KCTD16: variants seen among roughly 807,000 people sequenced by gnomAD.
The protein encoded by KCTD16 is potassium channel tetramerization domain containing 16, also known as BTB/POZ domain-containing protein KCTD16.
Under a neutral mutation model 33.2 loss-of-function variants are expected in KCTD16, and 13 were observed. The ratio of observed to expected loss-of-function variants is 0.39; its 90% CI spans 0.25 to 0.62. The LOEUF (loss-of-function observed/expected upper bound fraction) is 0.62, where lower values mean the gene tolerates loss of function less well. Ranked by LOEUF, KCTD16 falls within the 20% of genes least tolerant of loss-of-function variation. The probability of loss-of-function intolerance (pLI) is 0.50; values close to 1 mark genes in which losing one functional copy is unlikely to be tolerated. For missense variants in KCTD16, 441 were observed against 525.1 expected (o/e 0.84, Z 1.57); for synonymous variants, 197 against 195.3 (o/e 1.01, Z -0.07).
chr5:144,324,805 C>T (rs1752160362), intron 3 of KCTD16, among the ~76,000 whole-genome samples: 1 of 152,188 alleles, frequency 6.6e-6, no homozygotes, highest in Non-Finnish European at 1.5e-5. Context: ...AGCCATTATC[C>T]TCAGCAAACT....
chr5:144,236,753 C>T (rs1318783529), intron 3 of KCTD16, among the ~76,000 whole-genome samples: 2 of 152,060 alleles, frequency 1.3e-5, no homozygotes, highest in Non-Finnish European at 2.9e-5. Flanking sequence ...GGGGAGGTAT[C>T]ATGGGATAAA....
At position 144,478,226 on chromosome 5, in the gene KCTD16, T is replaced by C. The variant is rs1754635079; in HGVS notation, c.*4112T>C. ...GTTACATGTCATTTGTATAGAACTG[T>C]ATAATGATTAATATCTGCAGAGAAA... On this transcript the variant is annotated 3_prime_UTR_variant, in exon 4 of 4. Coordinates refer to ENST00000512467, the MANE Select transcript of KCTD16 (RefSeq NM_020768.4). 1 of 152,116 alleles carries C rather than the reference T, an allele frequency of 6.6e-6. No individual in the cohort carries two copies. Among genetic ancestry groups the C allele is most frequent in the South Asian group, 2.1e-4 (1 of 4,832 alleles). The allele number at this position is 152,116 out of a possible 1,614,324, so 9.4% of individuals were successfully genotyped here. A position where few individuals can be genotyped will look rare whatever the true frequency, so the allele number is the denominator to read the frequency against.
At chr5:144,351,762 C>T (rs1000254547) in intron 3 of KCTD16, among the ~76,000 whole-genome samples, 1 of 152,084 alleles carries the variant, frequency 6.6e-6, no homozygotes, top group South Asian at 2.1e-4. Context: ...CAACATGAAG[C>T]TAGAGGGCAT....
intron 3 of KCTD16, among the ~76,000 whole-genome samples, chr5:144,274,507 A>T (rs776729248): frequency 2.0e-5 from 3 of 152,152 alleles, no homozygotes; most frequent in Non-Finnish European, 4.4e-5. Flanking sequence ...ATTTAGACCT[A>T]ATCAGTATTT....
chr5:144,302,240 A>G (rs9324953), intron 3 of KCTD16, among the ~76,000 whole-genome samples: 6,974 of 152,284 alleles, frequency 0.046, 548 homozygotes, highest in African/African-American at 0.16. Context: ...TTCAAGCTTA[A>G]TAGTATCACT....
chr5:144,434,901 T>G (rs187126006), intron 3 of KCTD16, among the ~76,000 whole-genome samples: 7 of 152,234 alleles, frequency 4.6e-5, no homozygotes, highest in Admixed American at 4.6e-4. Flanking sequence ...ATGAAGGCTG[T>G]TAGATGGTGG....
At chr5:144,327,592 T>A (rs1237885366) in intron 3 of KCTD16, among the ~76,000 whole-genome samples, 2 of 152,130 alleles carry the variant, frequency 1.3e-5, no homozygotes, top group African/African-American at 4.8e-5. Context: ...TGTTAACAGT[T>A]TCTTGTGTTT....
chr5:144,261,039 G>A (rs1405006113), intron 3 of KCTD16, among the ~76,000 whole-genome samples: 1 of 151,306 alleles, frequency 6.6e-6, no homozygotes, highest in African/African-American at 2.4e-5. Context: ...TTGATGAAAC[G>A]ACCCCAATTG....
chr5:144,447,573 G>C (rs1201664010), intron 3 of KCTD16, among the ~76,000 whole-genome samples: 4 of 151,290 alleles, frequency 2.6e-5, no homozygotes, highest in East Asian at 1.9e-4. Context: ...AAAGAAAAAA[G>C]AAAAAACAAA....
At chr5:144,387,370 CT>C (rs1024440242) in intron 3 of KCTD16, among the ~76,000 whole-genome samples, 43 of 152,058 alleles carry the variant, frequency 2.8e-4, no homozygotes, top group African/African-American at 1.0e-3. Context: ...GAAGGAGCTC[CT>C]TTTTTGAGAA....
intron 3 of KCTD16, among the ~76,000 whole-genome samples, chr5:144,287,787 G>A (rs1425618128): frequency 2.6e-5 from 4 of 151,824 alleles, no homozygotes; most frequent in African/African-American, 9.7e-5. Flanking sequence ...AGGCTCGCAC[G>A]ACCTCATCTG....
chr5:144,440,930 C>T lies in KCTD16; in HGVS notation c.833-32730C>T, dbSNP rs571500257. On this transcript the variant is annotated intron_variant, in intron 3 of 3. Transcript: ENST00000512467. The stretch of plus-strand genomic sequence containing the variant: ...ACAGTCCCCGGTGTGTGATGTTCCC[C>T]TTCCTGTGTCCATGTGTTCTCATTG... Among the ~76,000 whole-genome samples, 15 of 148,540 alleles carry T rather than the reference C, an allele frequency of 1.0e-4. 1 individual carries two copies. The highest frequency in any genetic ancestry group is 3.2e-4 in the African/African-American group (13 of 40,314).
chr5:144,321,311 T>C (rs1326924843), intron 3 of KCTD16, among the ~76,000 whole-genome samples: 1 of 152,188 alleles, frequency 6.6e-6, no homozygotes, highest in Non-Finnish European at 1.5e-5. Flanking sequence ...TCACCTAGGG[T>C]GTTAAAAATG....
chr5:144,260,665 G>T (rs562017402), intron 3 of KCTD16, among the ~76,000 whole-genome samples: 1 of 152,180 alleles, frequency 6.6e-6, no homozygotes, highest in Non-Finnish European at 1.5e-5. Context: ...ACTATAATGT[G>T]AGATTTATGG....
At chr5:144,322,144 G>A (rs1580871449) in intron 3 of KCTD16, among the ~76,000 whole-genome samples, 1 of 152,156 alleles carries the variant, frequency 6.6e-6, no homozygotes, top group Admixed American at 6.5e-5. Context: ...GAGTTTATGA[G>A]TAGCCATAAA....
rs1349243595 is a variant in KCTD16, at chr5:144,477,619, G to T, written c.*3505G>T. On this transcript the variant is annotated 3_prime_UTR_variant, in exon 4 of 4. Transcript: ENST00000512467. Reference sequence around the variant, plus strand: ...TCCTGGGCTTTAGATTCTTCTCTGAGGATCCTTTGTTGGTGTCAGACAAAA... The same window carrying T: ...TCCTGGGCTTTAGATTCTTCTCTGATGATCCTTTGTTGGTGTCAGACAAAA... 1 of 152,088 alleles carries T rather than the reference G, an allele frequency of 6.6e-6. No homozygotes were observed. 9.4% of individuals were successfully genotyped at this position (152,088 alleles called of 1,614,324 possible).
At chr5:144,447,905 T>A (rs1437783936) in intron 3 of KCTD16, among the ~76,000 whole-genome samples, 1 of 152,126 alleles carries the variant, frequency 6.6e-6, no homozygotes, top group East Asian at 1.9e-4. Flanking sequence ...TTGCTCAGAT[T>A]ATACCCTAGA....
rs758308140 is a variant in KCTD16, at chr5:144,206,985, G to A, written c.271G>A (p.Asp91Asn). 5.6e-6 allele frequency: 9 copies of A among 1,614,158 alleles called. No individual in the cohort carries two copies. The Admixed American group carries it at 1.3e-4, about 24-fold the overall frequency. ...CCGTTATATTCTGGACTATCTCAGG[G>A]ACAGGCAGGTGGTCCTGCCTGATCA... is the stretch of plus-strand genomic sequence containing the variant. The part of the protein sequence containing the change: ...LFRYILDYLR[D>N]RQVVLPDHFP... Residue 91 changes from aspartate to asparagine, a missense_variant, in exon 3 of 4, where the codon GAC becomes AAC. Coordinates refer to ENST00000512467, the MANE Select transcript of KCTD16 (RefSeq NM_020768.4).
At chr5:144,232,224 A>C (rs919589974) in intron 3 of KCTD16, among the ~76,000 whole-genome samples, 1 of 152,242 alleles carries the variant, frequency 6.6e-6, no homozygotes, top group Non-Finnish European at 1.5e-5. Context: ...CAAAGGATAG[A>C]CTATTTTTCC....
Sources: allele counts gnomAD v4.1 joint callset (sites outside exome capture counted in the v4.1 genomes callset), GRCh38; gene constraint gnomAD v4.1.1; transcripts MANE v1.5; gene names NCBI Gene and HGNC (gene_info 2026-07-23, HGNC 2026-07-21).